Variants in TTLL11 observed in about 807,000 individuals in gnomAD.
The protein encoded by TTLL11 is tubulin polyglutamylase TTLL11.
Under a neutral mutation model 51.7 loss-of-function variants are expected in TTLL11, and 42 were observed. The ratio of observed to expected loss-of-function variants is 0.81; its 90% CI spans 0.64 to 1.05. The LOEUF (loss-of-function observed/expected upper bound fraction) is 1.05, where lower values mean the gene tolerates loss of function less well. Ranked by LOEUF, TTLL11 falls within the 50% of genes least tolerant of loss-of-function variation. TTLL11 has a pLI of 0.00. For synonymous variants in TTLL11, 381 were observed against 383.5 expected (o/e 0.99, Z 0.08); for missense variants, 799 against 940.4 (o/e 0.85, Z 1.97).
At chr9:121,986,344 G>A (rs556515062) in intron 4 of TTLL11, among the ~76,000 whole-genome samples, 19 of 152,162 alleles carry the variant, frequency 1.2e-4, no homozygotes, top group Admixed American at 5.9e-4. Context: ...TCTGCATGCC[G>A]GGCCCACATG....
At chr9:122,019,357 C>T (rs1844097274) in intron 3 of TTLL11, among the ~76,000 whole-genome samples, 1 of 152,228 alleles carries the variant, frequency 6.6e-6, no homozygotes, top group African/African-American at 2.4e-5. Flanking sequence ...TGCATGGCTT[C>T]CCCTTGATAA....
At chr9:121,955,694 T>C (rs1564324992) in intron 6 of TTLL11, among the ~76,000 whole-genome samples, 1 of 152,220 alleles carries the variant, frequency 6.6e-6, no homozygotes, top group Non-Finnish European at 1.5e-5. Flanking sequence ...CATCCTCATT[T>C]ATAAAAGTAT....
At chr9:121,879,021 A>C (rs939726579) in intron 6 of TTLL11, among the ~76,000 whole-genome samples, 3 of 152,176 alleles carry the variant, frequency 2.0e-5, no homozygotes, top group Admixed American at 6.5e-5. Flanking sequence ...ATACAGTCTC[A>C]AAGCTTTAGT....
chr9:121,985,398 T>A (rs1842917238), intron 4 of TTLL11, among the ~76,000 whole-genome samples: 1 of 151,844 alleles, frequency 6.6e-6, no homozygotes, highest in South Asian at 2.1e-4. Flanking sequence ...GGTCCCTTAA[T>A]CTCTAGGTTC....
chr9:121,946,003 A>G (rs1841647073), intron 6 of TTLL11, among the ~76,000 whole-genome samples: 1 of 152,218 alleles, frequency 6.6e-6, no homozygotes, highest in Non-Finnish European at 1.5e-5. Flanking sequence ...CCCCATGCCA[A>G]ATGCCAAGGG....
chr9:121,924,254 T>G (rs1482115946), intron 6 of TTLL11, among the ~76,000 whole-genome samples: 2 of 152,228 alleles, frequency 1.3e-5, no homozygotes, highest in Non-Finnish European at 2.9e-5. Context: ...CTCAGTACAG[T>G]GCATGGCCCA....
chr9:122,062,232 T>C (rs1845455953), intron 1 of TTLL11, among the ~76,000 whole-genome samples: 2 of 152,096 alleles, frequency 1.3e-5, no homozygotes, highest in African/African-American at 2.4e-5. Flanking sequence ...GAGGAGGCTG[T>C]TGGAGGATGC....
At chr9:121,857,680 G>A (rs528384966) in intron 8 of TTLL11, among the ~76,000 whole-genome samples, 1 of 152,298 alleles carries the variant, frequency 6.6e-6, no homozygotes, top group African/African-American at 2.4e-5. Flanking sequence ...CTAAAAATAA[G>A]TATTTTTCTC....
rs551521927 is a variant in TTLL11 at position 121,926,694 on chromosome 9, T to A, written c.1481+47315A>T. Among the ~76,000 whole-genome samples, 3 of 152,326 alleles carry A rather than the reference T, an allele frequency of 2.0e-5. No individual in the cohort carries two copies. The South Asian group carries it at 6.2e-4, about 32-fold the overall frequency. ...TCTCTCCCGTGTCACTTTGAGTGGT[T>A]CTTCCTCCTCGAGGCTGGAGCAGGA... On this transcript the variant is annotated intron_variant, in intron 6 of 8. Transcript: ENST00000321582.
At chr9:122,075,899 A>G (rs1474337044) in intron 1 of TTLL11, among the ~76,000 whole-genome samples, 1 of 152,156 alleles carries the variant, frequency 6.6e-6, no homozygotes, top group Non-Finnish European at 1.5e-5. Context: ...GAATCCCTTC[A>G]TGTCATTTCC....
At chr9:122,091,659 C>T (rs145542641) in intron 1 of TTLL11, among the ~76,000 whole-genome samples, 2 of 152,220 alleles carry the variant, frequency 1.3e-5, no homozygotes, top group African/African-American at 4.8e-5. Context: ...AGGCACAGGG[C>T]TAAGAACCTG....
chr9:121,920,941 A>G (rs1193879775), intron 6 of TTLL11, among the ~76,000 whole-genome samples: 1 of 152,244 alleles, frequency 6.6e-6, no homozygotes, highest in Non-Finnish European at 1.5e-5. Context: ...GCTAATGCAC[A>G]ACAACCTGGA....
intron 6 of TTLL11, among the ~76,000 whole-genome samples, chr9:121,947,763 A>T (rs977415239): frequency 3.3e-5 from 5 of 152,172 alleles, no homozygotes; most frequent in Non-Finnish European, 2.9e-5. Context: ...ATTACAGAAT[A>T]ACAAGAGAGA....
intron 6 of TTLL11, among the ~76,000 whole-genome samples, chr9:121,898,854 G>GT (rs1839644697): frequency 6.6e-6 from 1 of 152,196 alleles, no homozygotes. Flanking sequence ...GAGGAATGTG[G>GT]TGAGATGCAT....
intron 6 of TTLL11, among the ~76,000 whole-genome samples, chr9:121,942,756 T>C: frequency 7.0e-6 from 1 of 143,090 alleles, no homozygotes; most frequent in Non-Finnish European, 1.5e-5. Context: ...TTTTTTTTTT[T>C]TTTTTGCCTG....
chr9:122,029,976 G>A (rs1844480213), intron 3 of TTLL11, among the ~76,000 whole-genome samples: 2 of 152,092 alleles, frequency 1.3e-5, no homozygotes, highest in South Asian at 4.1e-4. Context: ...TGTATCCTAG[G>A]AGCGATAGGC....
intron 6 of TTLL11, among the ~76,000 whole-genome samples, chr9:121,947,783 G>A (rs1432224877): frequency 6.6e-6 from 1 of 152,192 alleles, no homozygotes; most frequent in Non-Finnish European, 1.5e-5. Context: ...ACTAACAGAA[G>A]TTACTTACCC....
At chr9:122,017,111 G>C (rs887795710) in intron 3 of TTLL11, among the ~76,000 whole-genome samples, 5 of 152,156 alleles carry the variant, frequency 3.3e-5, no homozygotes, top group African/African-American at 1.2e-4. Flanking sequence ...CCTACAAAGT[G>C]TCAGGTTTTC....
At chr9:121,878,330 C>A (rs761236864) in intron 6 of TTLL11, among the ~76,000 whole-genome samples, 1 of 152,178 alleles carries the variant, frequency 6.6e-6, no homozygotes, top group Non-Finnish European at 1.5e-5. Context: ...GGGAGGGTAC[C>A]AGTGCTCATC....
Sources: gnomAD v4.1 joint callset for allele counts (sites outside exome capture counted in the v4.1 genomes callset) on GRCh38, gnomAD v4.1.1 for gene constraint, MANE v1.5 for transcripts, NCBI Gene and HGNC (gene_info 2026-07-23, HGNC 2026-07-21) for gene names.